Variants in DGKI observed in about 807,000 individuals in gnomAD.
DGKI encodes the protein DAG kinase iota.
In DGKI, 55 loss-of-function variants were observed where a neutral mutation model predicts 147.5. That is an observed-to-expected ratio of 0.37 (90% CI 0.30 to 0.47). The LOEUF (loss-of-function observed/expected upper bound fraction) is 0.47, where lower values mean the gene tolerates loss of function less well. DGKI is among the 20% of genes least tolerant of loss of function. The probability of loss-of-function intolerance (pLI) is 1.00; values close to 1 mark genes in which losing one functional copy is unlikely to be tolerated. For synonymous variants in DGKI, 469 were observed against 477.1 expected (o/e 0.98, Z 0.22); for missense variants, 1,007 against 1,323.8 (o/e 0.76, Z 3.71).
chr7:137,463,721 T>C (rs1357516570), intron 26 of DGKI, 110 bp from the exon 27 acceptor site: 3 of 1,312,806 alleles, frequency 2.3e-6, no homozygotes, highest in East Asian at 2.5e-5. Flanking sequence ...GCAAAATTCA[T>C]CTTTATGAAG....
chr7:137,722,569 A>G (rs1370393690), intron 1 of DGKI: 7 of 1,585,332 alleles, frequency 4.4e-6, no homozygotes, highest in African/African-American at 1.3e-5. Context: ...GAAATTTGTC[A>G]TTGCCACCTC....
At chr7:137,433,975 C>T (rs888398249) in intron 28 of DGKI, among the ~76,000 whole-genome samples, 4 of 151,888 alleles carry the variant, frequency 2.6e-5, no homozygotes, top group Admixed American at 6.6e-5. Flanking sequence ...AAAAATTAGC[C>T]GGCCATGGTA....
intron 20 of DGKI, among the ~76,000 whole-genome samples, chr7:137,535,991 A>T (rs1428003549): frequency 6.6e-6 from 1 of 152,140 alleles, no homozygotes; most frequent in Non-Finnish European, 1.5e-5. Flanking sequence ...TTATAACAAC[A>T]CTTGAACTAT....
At chr7:137,493,577 T>C (rs1395110885) in intron 21 of DGKI, among the ~76,000 whole-genome samples, 1 of 151,992 alleles carries the variant, frequency 6.6e-6, no homozygotes, top group East Asian at 1.9e-4. Flanking sequence ...CCCCCTAAAA[T>C]ATTCCAGAAA....
intron 1 of DGKI, among the ~76,000 whole-genome samples, chr7:137,787,926 C>A (rs1796722093): frequency 6.6e-6 from 1 of 152,054 alleles, no homozygotes; most frequent in Admixed American, 6.6e-5. Flanking sequence ...AAAGACTACA[C>A]ATTGGGTACA....
At chr7:137,560,469 C>G (rs1728498) in intron 19 of DGKI, among the ~76,000 whole-genome samples, 16,566 of 151,980 alleles carry the variant, frequency 0.11, 2,008 homozygotes, top group African/African-American at 0.3. Flanking sequence ...CCTAAAACAG[C>G]ATAAATGCAA....
chr7:137,458,954 C>T (rs1453767431), intron 27 of DGKI, among the ~76,000 whole-genome samples: 2 of 152,108 alleles, frequency 1.3e-5, no homozygotes, highest in Non-Finnish European at 2.9e-5. Flanking sequence ...CACTTCTCAC[C>T]AATTCATTTC....
At position 137,662,704 on chromosome 7, in the gene DGKI, C is replaced by T. The variant is rs191280880; in HGVS notation, c.607-6164G>A. ...TAGAGGTTCAATTGCAGAGAGACCT[C>T]ACTCCATGTTAAAAGGTCCCAGCCC... On this transcript the variant is annotated intron_variant, in intron 3 of 32. Coordinates refer to ENST00000614521, the MANE Select transcript of DGKI (RefSeq NM_001321708.2). Among the ~76,000 whole-genome samples, 20 of 150,232 alleles carry T rather than the reference C, an allele frequency of 1.3e-4. No individual in the cohort carries two copies. The East Asian group carries it at 3.1e-3, about 24-fold the overall frequency.
At chr7:137,673,790 G>GATA (rs1185345339) in intron 3 of DGKI, among the ~76,000 whole-genome samples, 6 of 152,132 alleles carry the variant, frequency 3.9e-5, no homozygotes, top group African/African-American at 1.4e-4. Context: ...ACGATGGTAT[G>GATA]GACTCCAGGG....
chr7:137,817,273 T>C (rs1797767135), intron 1 of DGKI, among the ~76,000 whole-genome samples: 1 of 152,208 alleles, frequency 6.6e-6, no homozygotes, highest in Non-Finnish European at 1.5e-5. Flanking sequence ...AGTGTCTCAT[T>C]GTCTAATTCA....
chr7:137,427,970 G>T (rs1459421340), intron 28 of DGKI, among the ~76,000 whole-genome samples: 1 of 150,674 alleles, frequency 6.6e-6, no homozygotes, highest in African/African-American at 2.4e-5. Context: ...TCTACCAGAG[G>T]TACAAGGAGG....
rs747061174 is a variant in DGKI at position 137,521,983 on chromosome 7, G to A, written c.2148-17C>T. The A allele has an allele frequency of 1.1e-5, 18 of 1,590,462 alleles. No homozygotes were observed. Among genetic ancestry groups the A allele is most frequent in the African/African-American group, 6.7e-5 (5 of 74,220 alleles). On this transcript the variant is annotated splice_polypyrimidine_tract_variant and intron_variant, in intron 20 of 32. Transcript: ENST00000614521. Reference sequence around the variant, plus strand: ...GACTGGGGACTGCAAAACAAGAACCGAGTGGTCAGATACAAATGAGAGAGC... The same window carrying A: ...GACTGGGGACTGCAAAACAAGAACCAAGTGGTCAGATACAAATGAGAGAGC...
intron 28 of DGKI, among the ~76,000 whole-genome samples, chr7:137,413,449 T>A (rs1011784839): frequency 2.6e-5 from 4 of 152,174 alleles, no homozygotes; most frequent in Admixed American, 2.6e-4. Context: ...TGTCTCCTTC[T>A]AGAGTTCCCA....
At chr7:137,484,136 G>A (rs931593210) in intron 23 of DGKI, among the ~76,000 whole-genome samples, 1 of 152,046 alleles carries the variant, frequency 6.6e-6, no homozygotes, top group Non-Finnish European at 1.5e-5. Flanking sequence ...TGTGGGATAC[G>A]TTGTTTGAGA....
intron 1 of DGKI, among the ~76,000 whole-genome samples, chr7:137,740,069 CACA>C (rs936556059): frequency 6.6e-6 from 1 of 152,176 alleles, no homozygotes; most frequent in Admixed American, 6.5e-5. Flanking sequence ...CACTGTATTT[CACA>C]ACAATTCAAA....
intron 1 of DGKI, among the ~76,000 whole-genome samples, chr7:137,724,976 A>T (rs1369964042): frequency 6.6e-6 from 1 of 152,190 alleles, no homozygotes. Context: ...TAGCAAAAAG[A>T]CTAAAAAGAA....
intron 10 of DGKI, among the ~76,000 whole-genome samples, chr7:137,600,685 G>A (rs544314565): frequency 6.6e-6 from 1 of 152,236 alleles, no homozygotes; most frequent in Non-Finnish European, 1.5e-5. Flanking sequence ...AATATGGGCA[G>A]TATTAGCTAA....
chr7:137,452,311 G>A (rs1813999974), intron 27 of DGKI, among the ~76,000 whole-genome samples: 1 of 152,182 alleles, frequency 6.6e-6, no homozygotes, highest in Admixed American at 6.5e-5. Context: ...ACTATGGATG[G>A]AGTAGAAGAG....
intron 1 of DGKI, among the ~76,000 whole-genome samples, chr7:137,757,851 C>T (rs938239035): frequency 6.6e-6 from 1 of 152,212 alleles, no homozygotes; most frequent in African/African-American, 2.4e-5. Context: ...ACTATATCCA[C>T]CTGGCAGAAG....
Sources: gnomAD v4.1 joint callset for allele counts (sites outside exome capture counted in the v4.1 genomes callset) on GRCh38, gnomAD v4.1.1 for gene constraint, MANE v1.5 for transcripts, NCBI Gene and HGNC (gene_info 2026-07-23, HGNC 2026-07-21) for gene names.